PKNOX1: variants seen among roughly 807,000 people sequenced by gnomAD.
The protein encoded by PKNOX1 is homeobox protein PKNOX1.
PKNOX1 carries 15 observed loss-of-function variants against 51.9 expected under a neutral mutation model. The observed-to-expected ratio is 0.29, with a 90% confidence interval of 0.19 to 0.45. PKNOX1 has a LOEUF of 0.45. Among genes scored for constraint, PKNOX1 ranks in the 20% least tolerant of loss-of-function variants. The probability of loss-of-function intolerance (pLI) is 1.00; values close to 1 mark genes in which losing one functional copy is unlikely to be tolerated. For missense variants in PKNOX1, 462 were observed against 547.5 expected, an observed-to-expected ratio of 0.84 and a Z score of 1.56; for synonymous variants, 219 against 211.1, an observed-to-expected ratio of 1.04 and a Z score of -0.32.
chr21:43,028,838 G>A lies in PKNOX1; in HGVS notation c.1063G>A (p.Ala355Thr), dbSNP rs550308736. The change falls in exon 10 of 11, where the codon GCA becomes ACA. Residue 355 changes from alanine (A) to threonine (T), a missense_variant. Transcript: ENST00000291547. The part of the protein sequence containing the change: ...FWPDSIASGV[A>T]QPPPSELTMS... ...GCCTGATTCTATTGCATCAGGAGTC[G>A]CACAGCCACCGCCGAGCGAGCTCAC... 41 of 1,614,128 alleles carry A rather than the reference G, an allele frequency of 2.5e-5. No homozygotes were observed. In the East Asian group the frequency reaches 3.1e-4, roughly 12 times the overall value.
Position 42,996,441 on chromosome 21 carries a change from A to G in PKNOX1, c.-56-7885A>G, listed in dbSNP as rs572780309. On this transcript the variant is annotated intron_variant, in intron 1 of 10. Transcript: ENST00000291547. ...GGACCATAAACACTCGGGGAGTCCC[A>G]ATCTCTCCTGAGCAGTGCATTGGCG... 5.6e-5 allele frequency among the ~76,000 whole-genome samples: 8 copies of G among 143,882 alleles called. No homozygotes were observed. In the South Asian group the frequency reaches 6.4e-4, roughly 12 times the overall value. The allele number at this position is 143,882 out of a possible 152,430, so 94.4% of individuals were successfully genotyped here. A position where few individuals can be genotyped will look rare whatever the true frequency, so the allele number is the denominator to read the frequency against.
intron 1 of PKNOX1, among the ~76,000 whole-genome samples, chr21:42,985,455 C>T (rs2059047395): frequency 6.6e-6 from 1 of 152,050 alleles, no homozygotes; most frequent in Non-Finnish European, 1.5e-5. Flanking sequence ...TGACCTCAGC[C>T]TCCTGAGTAG....
At position 43,006,717 on chromosome 21, in the gene PKNOX1, C is replaced by T. The variant is rs141250345; in HGVS notation, c.52-774C>T. 2.0e-4 allele frequency among the ~76,000 whole-genome samples: 31 copies of T among 152,264 alleles called. No homozygotes were observed. In the East Asian group the frequency reaches 5.2e-3, roughly 26 times the overall value. ...TGGCCCCGCTCCCATGAGGTCTCCC[C>T]GCCCCCGCTGCCCCAAGCTGCTTCC... is the stretch of plus-strand genomic sequence containing the variant. On this transcript the variant is annotated intron_variant, in intron 2 of 10. Transcript: ENST00000291547.
chr21:43,030,087 G>A lies in PKNOX1; in HGVS notation c.1297G>A (p.Asp433Asn), dbSNP rs903435297. The A allele has an allele frequency of 6.2e-7, 1 of 1,601,512 alleles. No individual in the cohort carries two copies. The change falls in exon 11 of 11, where the codon GAC becomes AAC. Residue 433 changes from aspartate (D) to asparagine (N), a missense_variant. Physicochemically the swap from Asp to Asn is conservative, Grantham distance 23. Around this residue, in one of 5 missense-constraint regions of PKNOX1, gnomAD observed 118 missense variants for 116.8 expected, o/e 1.01. Transcript: ENST00000291547. ...HISGLVLENS[D>N]SLQ ...CAGCGGGCTGGTCTTGGAGAACAGT[G>A]ACTCCCTGCAGTAGGGGCAGGAGCA... is the stretch of plus-strand genomic sequence containing the variant.
rs961824780 is a variant in PKNOX1 at position 42,987,823 on chromosome 21, T to C, written c.-57+13159T>C. 2.6e-5 allele frequency among the ~76,000 whole-genome samples: 4 copies of C among 152,116 alleles called. No individual in the cohort carries two copies. The East Asian group carries it at 7.8e-4, about 30-fold the overall frequency. On this transcript the variant is annotated intron_variant, in intron 1 of 10. Coordinates refer to ENST00000291547, the MANE Select transcript of PKNOX1 (RefSeq NM_004571.5). ...TTAGTAGAGACAGGGTTTCACCATGTTAGCCAGGATGGTCTCGATCTCCTG... is the reference window on the plus strand; with the variant it reads ...TTAGTAGAGACAGGGTTTCACCATGCTAGCCAGGATGGTCTCGATCTCCTG...
chr21:43,006,799 T>G (rs1022365098), intron 2 of PKNOX1, among the ~76,000 whole-genome samples: 2 of 152,226 alleles, frequency 1.3e-5, no homozygotes, highest in African/African-American at 4.8e-5. Context: ...GTCCTGGTCC[T>G]GAGGAAGCTG....
intron 1 of PKNOX1, among the ~76,000 whole-genome samples, chr21:42,998,380 G>A (rs555070241): frequency 6.6e-6 from 1 of 152,220 alleles, no homozygotes; most frequent in African/African-American, 2.4e-5. Flanking sequence ...TGGGGACACA[G>A]CCAACCATAT....
intron 1 of PKNOX1, among the ~76,000 whole-genome samples, chr21:42,975,200 G>A (rs1490429234): frequency 1.3e-5 from 2 of 148,228 alleles, no homozygotes; most frequent in African/African-American, 4.9e-5. Flanking sequence ...CTGCTCGGAG[G>A]GTGCGGGGCG....
rs117784009 is a variant in PKNOX1, at chr21:43,029,066, G to A, written c.1099+192G>A. 2,187 of 623,392 alleles carry A rather than the reference G, an allele frequency of 3.5e-3. 6 individuals carry two copies. Among genetic ancestry groups the A allele is most frequent in the Non-Finnish European group, 5.3e-3 (1,843 of 349,766 alleles). The allele number at this position is 623,392 out of a possible 1,614,324, so 38.6% of individuals were successfully genotyped here. ...CACGGGAGCTCTCAGTAAGAGTTAG[G>A]AGCACCAGTAGTAGAGAATGTAAAA... is the stretch of plus-strand genomic sequence containing the variant. On this transcript the variant is annotated intron_variant, in intron 10 of 10. Transcript: ENST00000291547.
chr21:43,009,927 T>C, intron 3 of PKNOX1, 126 bp from the exon 4 acceptor site: 1 of 500,536 alleles, frequency 2.0e-6, no homozygotes. Context: ...TTTCAACGGG[T>C]GGACCGTGTG....
At chr21:43,023,003 T>A (rs1046752186) in intron 8 of PKNOX1, among the ~76,000 whole-genome samples, 10 of 152,160 alleles carry the variant, frequency 6.6e-5, no homozygotes, top group Admixed American at 5.9e-4. Context: ...TTTAATAATT[T>A]CTCAAACAAT....
At chr21:43,004,098 A>C (rs866513394) in intron 1 of PKNOX1, 2 of 273,720 alleles carry the variant, frequency 7.3e-6, no homozygotes, top group African/African-American at 4.5e-5. Flanking sequence ...TTATCCAGGC[A>C]TGGTGGCACA....
intron 1 of PKNOX1, among the ~76,000 whole-genome samples, chr21:43,000,525 A>G (rs952921163): frequency 6.6e-6 from 1 of 152,222 alleles, no homozygotes; most frequent in African/African-American, 2.4e-5. Flanking sequence ...AACATGGGAA[A>G]GACTTGCCCC....
intron 1 of PKNOX1, among the ~76,000 whole-genome samples, chr21:42,996,943 C>T (rs9981823): frequency 0.5 from 75,549 of 151,282 alleles, 18,885 homozygotes; most frequent in Middle Eastern, 0.59. Flanking sequence ...TGCAGTGGCA[C>T]GATCTCGGCT....
chr21:42,989,070 C>T (rs2059072191), intron 1 of PKNOX1, among the ~76,000 whole-genome samples: 1 of 152,254 alleles, frequency 6.6e-6, no homozygotes, highest in African/African-American at 2.4e-5. Flanking sequence ...TGTAGAATCT[C>T]CCTCATCCCT....
Position 42,981,286 on chromosome 21 carries a change from G to A in PKNOX1, c.-57+6622G>A, listed in dbSNP as rs542729969. Among the ~76,000 whole-genome samples the A allele has an allele frequency of 5.9e-5, 9 of 152,360 alleles. No individual in the cohort carries two copies. In the East Asian group the frequency reaches 9.6e-4, roughly 16 times the overall value. On this transcript the variant is annotated intron_variant, in intron 1 of 10. Transcript: ENST00000291547. ...AAGAGCCAGCAGGCCTGGTGCTGGC[G>A]GTGCCCTGCTCGTGACAGTGTGCAA...
chr21:42,983,925 C>A (rs935810719), intron 1 of PKNOX1, among the ~76,000 whole-genome samples: 1 of 152,102 alleles, frequency 6.6e-6, no homozygotes, highest in Non-Finnish European at 1.5e-5. Flanking sequence ...TGGCATCTTA[C>A]TGTCATTTTG....
At position 43,032,295 on chromosome 21, in the gene PKNOX1, G is replaced by A. The variant is rs149542189; in HGVS notation, c.*2194G>A. ...CTCCTTAAAATAAGCACCCATGAAA[G>A]CCAGCCAGCCCTTCCTCCTTCCCTC... On this transcript the variant is annotated 3_prime_UTR_variant, in exon 11 of 11. Transcript: ENST00000291547. 8.4e-3 allele frequency: 2,954 copies of A among 350,324 alleles called. 19 individuals are homozygous for A. The highest frequency in any genetic ancestry group is 0.012 in the Non-Finnish European group (2,005 of 166,258). 21.7% of individuals were successfully genotyped at this position (350,324 alleles called of 1,614,324 possible). A position where few individuals can be genotyped will look rare whatever the true frequency, so the allele number is the denominator to read the frequency against.
intron 9 of PKNOX1, among the ~76,000 whole-genome samples, chr21:43,025,752 T>C (rs960011609): frequency 7.9e-5 from 12 of 152,194 alleles, no homozygotes; most frequent in Admixed American, 6.5e-5. Context: ...AAGCACAAAT[T>C]CTTCCAGTTG....
Sources: gnomAD v4.1 joint callset for allele counts (sites outside exome capture counted in the v4.1 genomes callset) on GRCh38, gnomAD v4.1.1 for gene constraint, gnomAD v4.1.1 regional missense constraint, MANE v1.5 for transcripts, NCBI Gene and HGNC (gene_info 2026-07-23, HGNC 2026-07-21) for gene names.